Variants in LRP5 observed in about 807,000 individuals in gnomAD.
LRP5 encodes the protein low-density lipoprotein receptor-related protein 5.
In LRP5, 62 loss-of-function variants were observed where a neutral mutation model predicts 154.1. That is an observed-to-expected ratio of 0.40 (90% confidence interval 0.33 to 0.50). The LOEUF is 0.50. LRP5 is among the 20% of genes least tolerant of loss of function. The pLI is 0.55. For missense variants in LRP5, 1,915 were observed against 2,336.7 expected, an observed-to-expected ratio of 0.82 and a Z score of 3.72; for synonymous variants, 966 against 1,011.5, an observed-to-expected ratio of 0.96 and a Z score of 0.85.
At chr11:68,307,187 A>G in the LRP5 span, among the ~76,000 whole-genome samples, 2 of 152,074 alleles carry the variant, frequency 1.3e-5, no homozygotes, top group Non-Finnish European at 2.9e-5. Context: ...CAACTCAAAA[A>G]AAAAAGGTAA....
intron 2 of LRP5, among the ~76,000 whole-genome samples, chr11:68,355,210 G>A (rs1458391903): frequency 2.6e-5 from 4 of 152,128 alleles, no homozygotes; most frequent in Admixed American, 2.6e-4. Context: ...CTGCTGAATG[G>A]AGACCCCCAG....
At chr11:68,397,110 C>T (rs2098649841) in intron 7 of LRP5, among the ~76,000 whole-genome samples, 1 of 152,156 alleles carries the variant, frequency 6.6e-6, no homozygotes, top group Non-Finnish European at 1.5e-5. Context: ...TGCAGCCACA[C>T]TCAGCTTCTC....
At chr11:68,444,244 G>A (rs2098680247) in intron 21 of LRP5, among the ~76,000 whole-genome samples, 1 of 152,088 alleles carries the variant, frequency 6.6e-6, no homozygotes, top group African/African-American at 2.4e-5. Context: ...GCCAGGCATG[G>A]TGGCTCACAC....
At chr11:68,405,051 C>T (rs1052251610) in intron 8 of LRP5, among the ~76,000 whole-genome samples, 1 of 151,070 alleles carries the variant, frequency 6.6e-6, no homozygotes, top group African/African-American at 2.4e-5. Context: ...TCTCACTACT[C>T]GAGAGGCTGA....
intron 16 of LRP5, 106 bp downstream of exon 16, chr11:68,426,293 G>A: frequency 2.1e-6 from 2 of 944,398 alleles, no homozygotes; most frequent in East Asian, 2.6e-5. Flanking sequence ...CCAGGCGGTG[G>A]TCTCTGCCAG....
chr11:68,437,432 A>G (rs988872630), intron 19 of LRP5, among the ~76,000 whole-genome samples: 2 of 152,224 alleles, frequency 1.3e-5, no homozygotes, highest in Non-Finnish European at 2.9e-5. Flanking sequence ...CATGCTCCTC[A>G]AATAGCATGA....
rs11574425 is a variant in LRP5 at position 68,433,756 on chromosome 11, G to T, written c.3918G>T (p.Ala1306=). ...GCTCCGCCGCCCAGTTCCCCTGCGC[G>T]CGGGGTCAGTGTGTGGACCTGCGCC... ...PVCSAAQFPC[A]RGQCVDLRLR... is the part of the protein sequence containing the mutation. Residue 1306 remains alanine, a synonymous_variant, in exon 18 of 23, where the codon GCG becomes GCT. Transcript: ENST00000294304. 1.2e-6 allele frequency: 2 copies of T among 1,612,696 alleles called. No homozygotes were observed. The highest frequency in any genetic ancestry group is 1.7e-6 in the Non-Finnish European group (2 of 1,179,844).
the LRP5 span, among the ~76,000 whole-genome samples, chr11:68,305,511 T>C: frequency 6.6e-6 from 1 of 152,168 alleles, no homozygotes; most frequent in African/African-American, 2.4e-5. Flanking sequence ...GGCACAATCT[T>C]GGCTCACTAC....
chr11:68,308,923 A>ATTTTTTTT, upstream of LRP5, among the ~76,000 whole-genome samples: 1 of 74,482 alleles, frequency 1.3e-5, no homozygotes, highest in Non-Finnish European at 2.4e-5. Flanking sequence ...TAATCAGCTA[A>ATTTTTTTT]TTTTTTTTTT....
chr11:68,408,240 T>C (rs2098656845), intron 9 of LRP5, among the ~76,000 whole-genome samples: 1 of 128,640 alleles, frequency 7.8e-6, no homozygotes, highest in Admixed American at 9.1e-5. Flanking sequence ...CACTCCTGGC[T>C]GATTTTTTTT....
chr11:68,371,443 G>A (rs1369985756), intron 5 of LRP5, among the ~76,000 whole-genome samples: 2 of 152,186 alleles, frequency 1.3e-5, no homozygotes, highest in Admixed American at 6.5e-5. Flanking sequence ...CAGACCACGC[G>A]GCAGCCTGGG....
intron 18 of LRP5, among the ~76,000 whole-genome samples, chr11:68,435,363 T>C (rs2098674290): frequency 6.6e-6 from 1 of 152,204 alleles, no homozygotes; most frequent in African/African-American, 2.4e-5. Flanking sequence ...CATGGTTCTG[T>C]AGGCAGCACC....
At chr11:68,374,049 C>T (rs1486650645) in intron 5 of LRP5, among the ~76,000 whole-genome samples, 5 of 152,016 alleles carry the variant, frequency 3.3e-5, no homozygotes, top group Admixed American at 6.5e-5. Context: ...ATTTGTGGGC[C>T]GCTGGCCACA....
chr11:68,421,260 CA>C (rs929751325), intron 13 of LRP5, among the ~76,000 whole-genome samples: 82 of 142,442 alleles, frequency 5.8e-4, no homozygotes, highest in African/African-American at 7.2e-4. Flanking sequence ...GACTCCGTCT[CA>C]AAAAAAAAAA....
intron 7 of LRP5, among the ~76,000 whole-genome samples, chr11:68,401,913 G>A (rs970617954): frequency 5.3e-5 from 8 of 151,960 alleles, no homozygotes; most frequent in African/African-American, 1.5e-4. Context: ...GGCTGATCTC[G>A]AACTCCTGAC....
chr11:68,419,910 C>T (rs746101887), intron 13 of LRP5, among the ~76,000 whole-genome samples: 1 of 151,934 alleles, frequency 6.6e-6, no homozygotes, highest in Non-Finnish European at 1.5e-5. Flanking sequence ...GCTCTTGGCT[C>T]ACTGCAGCCT....
chr11:68,386,786 C>G lies in LRP5; in HGVS notation c.1412+74C>G. On this transcript the variant is annotated intron_variant, in intron 6 of 22. Transcript: ENST00000294304. The surrounding 1 kb of genome is among the most constrained non-coding windows in gnomAD (Gnocchi z 7.9). ...AGGCGAGAGGGAGATTGACCTGGAC[C>G]TGTCATTCTGGGACACTGTCTTGCA... is the stretch of plus-strand genomic sequence containing the variant. The G allele has an allele frequency of 2.7e-6, 4 of 1,491,874 alleles. No homozygotes were observed. In the South Asian group the frequency reaches 4.9e-5, roughly 18 times the overall value. The allele number at this position is 1,491,874 out of a possible 1,614,324, so 92.4% of individuals were successfully genotyped here.
intron 1 of LRP5, among the ~76,000 whole-genome samples, chr11:68,317,529 A>G (rs1441915852): frequency 4.2e-5 from 6 of 141,876 alleles, no homozygotes; most frequent in African/African-American, 1.3e-4. Context: ...TCCGTTCCCT[A>G]CCTGGGTAGT....
intron 12 of LRP5, 24 bp from the exon 13 acceptor site, chr11:68,416,304 C>A: frequency 6.2e-7 from 1 of 1,608,080 alleles, no homozygotes; most frequent in Non-Finnish European, 8.5e-7. Context: ...CACCCACCTG[C>A]AGCCCTGTCT....
Sources: gnomAD v4.1 joint callset for allele counts (sites outside exome capture counted in the v4.1 genomes callset) on GRCh38, gnomAD v4.1.1 for gene constraint, Gnocchi (gnomAD v3.1) non-coding constraint, MANE v1.5 for transcripts, NCBI Gene and HGNC (gene_info 2026-07-23, HGNC 2026-07-21) for gene names.